LDLRAD3: variants seen among roughly 807,000 people sequenced by gnomAD.
The protein encoded by LDLRAD3 is low density lipoprotein receptor class A domain containing 3.
Under a neutral mutation model 29.4 loss-of-function variants are expected in LDLRAD3, and 20 were observed. The observed-to-expected ratio is 0.68, with a 90% CI of 0.48 to 0.99. The LOEUF (loss-of-function observed/expected upper bound fraction) is 0.99. Among genes scored for constraint, LDLRAD3 ranks in the 50% least tolerant of loss-of-function variants. The pLI, the probability that LDLRAD3 is intolerant of heterozygous loss-of-function variation, is 0.00. For synonymous variants in LDLRAD3, 157 were observed against 192.7 expected (o/e 0.81, Z 1.53); for missense variants, 420 against 454.3 (o/e 0.92, Z 0.69).
intron 1 of LDLRAD3, among the ~76,000 whole-genome samples, chr11:35,959,811 C>T (rs1298776998): frequency 6.6e-6 from 1 of 151,920 alleles, no homozygotes; most frequent in Non-Finnish European, 1.5e-5. Flanking sequence ...CACCTGTGGT[C>T]CCTGTAGCTA....
At chr11:36,089,072 C>G (rs1853238229) in intron 3 of LDLRAD3, among the ~76,000 whole-genome samples, 1 of 152,170 alleles carries the variant, frequency 6.6e-6, no homozygotes, top group South Asian at 2.1e-4. Flanking sequence ...TCAGGCTCAG[C>G]CTTAGCAAGC....
chr11:35,947,507 AAAAAAAG>A lies in LDLRAD3; in HGVS notation c.46+3373_46+3379del, dbSNP rs1321759008. ...AGCAAGACTGCCTCAATTAAAAAAA[AAAAAAAG>A]AAAAAAGAATTGGCCTTTACAACCT... On this transcript the variant is annotated intron_variant, in intron 1 of 5. Coordinates refer to ENST00000315571, the MANE Select transcript of LDLRAD3 (RefSeq NM_174902.4). Among the ~76,000 whole-genome samples, 9 of 152,182 alleles carry A rather than the reference AAAAAAAG, an allele frequency of 5.9e-5. No individual in the cohort carries two copies. In the East Asian group the frequency reaches 1.7e-3, roughly 29 times the overall value.
intron 1 of LDLRAD3, among the ~76,000 whole-genome samples, chr11:36,017,128 A>G (rs1171492567): frequency 6.6e-6 from 1 of 152,174 alleles, no homozygotes; most frequent in Non-Finnish European, 1.5e-5. Context: ...CCTTTGAAAG[A>G]TTTTTAGGAT....
chr11:35,975,598 G>A (rs1178281218), intron 1 of LDLRAD3, among the ~76,000 whole-genome samples: 4 of 152,172 alleles, frequency 2.6e-5, no homozygotes, highest in Admixed American at 6.5e-5. Flanking sequence ...CCTGTAGGGG[G>A]TAGAGAACTC....
rs1486761898 is a variant in LDLRAD3, at chr11:36,098,341, C to T, written c.334C>T (p.Leu112Phe). The T allele has an allele frequency of 1.2e-6, 2 of 1,613,974 alleles. No individual in the cohort carries two copies. The highest frequency in any genetic ancestry group is 2.2e-5 in the East Asian group (1 of 44,898). Residue 112 changes from leucine to phenylalanine, a missense_variant, in exon 4 of 6, where the codon CTT becomes TTT. Around this residue, in one of 3 missense-constraint regions of LDLRAD3, gnomAD observed 224 missense variants for 222.2 expected, o/e 1.01. Coordinates refer to ENST00000315571, the MANE Select transcript of LDLRAD3 (RefSeq NM_174902.4). The part of the protein sequence containing the change: ...DEENCTANPL[L>F]CSTARYHCKN... ...TCCCTCTGCAGCAGCAAACCCTCTG[C>T]TTTGCTCCACCGCCCGCTACCACTG...
intron 4 of LDLRAD3, among the ~76,000 whole-genome samples, chr11:36,186,697 A>G (rs1854854370): frequency 6.6e-6 from 1 of 152,206 alleles, no homozygotes; most frequent in Non-Finnish European, 1.5e-5. Context: ...CGGATGGGGT[A>G]TGAATCCCAT....
At chr11:35,988,015 C>T (rs1851636336) in intron 1 of LDLRAD3, among the ~76,000 whole-genome samples, 2 of 152,108 alleles carry the variant, frequency 1.3e-5, no homozygotes, top group African/African-American at 2.4e-5. Flanking sequence ...TCTCTAATGA[C>T]ATTTTTAAAA....
At chr11:36,136,833 G>A (rs1854011432) in intron 4 of LDLRAD3, among the ~76,000 whole-genome samples, 1 of 152,012 alleles carries the variant, frequency 6.6e-6, no homozygotes, top group Admixed American at 6.6e-5. Flanking sequence ...TGGGATTACA[G>A]GTGTGTGCCA....
At chr11:36,059,338 C>A (rs1322076565) in intron 2 of LDLRAD3, among the ~76,000 whole-genome samples, 1 of 141,696 alleles carries the variant, frequency 7.1e-6, no homozygotes, top group East Asian at 2.1e-4. Context: ...ACTTGAGCAA[C>A]AGAGTGAAAC....
intron 4 of LDLRAD3, among the ~76,000 whole-genome samples, chr11:36,121,757 A>C (rs185291366): frequency 1.3e-5 from 2 of 152,238 alleles, no homozygotes; most frequent in East Asian, 1.9e-4. Context: ...CAGTACATAA[A>C]CCCAAAAGGT....
intron 4 of LDLRAD3, among the ~76,000 whole-genome samples, chr11:36,148,839 G>A (rs548744126): frequency 6.6e-6 from 1 of 152,330 alleles, no homozygotes; most frequent in African/African-American, 2.4e-5. Context: ...CCTGGCTTGG[G>A]TAGGCAGAAA....
At chr11:35,989,612 C>G (rs1045381664) in intron 1 of LDLRAD3, among the ~76,000 whole-genome samples, 2 of 151,996 alleles carry the variant, frequency 1.3e-5, no homozygotes, top group African/African-American at 4.8e-5. Flanking sequence ...TATTCCTAAC[C>G]AAGGAATATA....
Position 36,229,618 on chromosome 11 carries a change from ACTC to A in LDLRAD3, c.*222_*224del. On this transcript the variant is annotated 3_prime_UTR_variant, in exon 6 of 6. Coordinates refer to ENST00000315571, the MANE Select transcript of LDLRAD3 (RefSeq NM_174902.4). ...TGTTGTGCGTCTTTTCTGTCAGGTC[ACTC>A]TTCCCTTGGGACCCGAGATCACACC... The A allele has an allele frequency of 2.0e-6, 1 of 501,782 alleles. No homozygotes were observed. The allele number at this position is 501,782 out of a possible 1,614,324, so 31.1% of individuals were successfully genotyped here.
In LDLRAD3 at chr11:36,082,187, T is replaced by G. The variant is rs561355505; in HGVS notation, c.319+409T>G. On this transcript the variant is annotated intron_variant, in intron 3 of 5. Coordinates refer to ENST00000315571, the MANE Select transcript of LDLRAD3 (RefSeq NM_174902.4). ...CAACACTTAATGTTTATGTGTTTGC[T>G]TACTTTTTTCTTACTTTGAATTCTT... Among the ~76,000 whole-genome samples the G allele has an allele frequency of 1.1e-4, 16 of 152,356 alleles. No individual in the cohort carries two copies. In the East Asian group the frequency reaches 3.1e-3, roughly 29 times the overall value.
rs746500832 is a variant in LDLRAD3 at position 36,036,181 on chromosome 11, G to A, written c.125G>A (p.Cys42Tyr). The A allele has an allele frequency of 2.5e-6, 4 of 1,614,182 alleles. No individual in the cohort carries two copies. Among genetic ancestry groups the A allele is most frequent in the East Asian group, 2.2e-5 (1 of 44,886 alleles). The change falls in exon 2 of 6, where the codon TGC (cysteine) becomes TAC (tyrosine). Residue 42 changes from cysteine to tyrosine, a missense_variant. Cys to Tyr is a radical substitution (Grantham distance 194). Coordinates refer to ENST00000315571, the MANE Select transcript of LDLRAD3 (RefSeq NM_174902.4). ...PGNFMCSNGR[C>Y]IPGAWQCDGL... ...AACTTCATGTGCAGCAATGGACGGTGCATCCCGGGCGCCTGGCAGTGTGAC... is the reference window on the plus strand; with the variant it reads ...AACTTCATGTGCAGCAATGGACGGTACATCCCGGGCGCCTGGCAGTGTGAC...
chr11:36,157,667 T>C (rs1854374129), intron 4 of LDLRAD3, among the ~76,000 whole-genome samples: 1 of 152,086 alleles, frequency 6.6e-6, no homozygotes, highest in Non-Finnish European at 1.5e-5. Context: ...AAAATTCTAG[T>C]GGAGTAGGAG....
chr11:36,126,655 G>A (rs12800155), intron 4 of LDLRAD3, among the ~76,000 whole-genome samples: 60,437 of 152,012 alleles, frequency 0.4, 12,501 homozygotes, highest in East Asian at 0.72. Context: ...GCTCATTCAC[G>A]TATGCAATAA....
At chr11:36,037,357 C>T (rs1052758764) in intron 2 of LDLRAD3, among the ~76,000 whole-genome samples, 2 of 152,096 alleles carry the variant, frequency 1.3e-5, no homozygotes, top group South Asian at 2.1e-4. Flanking sequence ...CTCTGTCACC[C>T]GGGGCTGGAG....
intron 1 of LDLRAD3, among the ~76,000 whole-genome samples, chr11:35,969,383 C>T (rs911852587): frequency 6.6e-6 from 1 of 152,222 alleles, no homozygotes; most frequent in African/African-American, 2.4e-5. Flanking sequence ...CACTTAACTT[C>T]CTAATTTTCA....
Sources: gnomAD v4.1 joint callset for allele counts (sites outside exome capture counted in the v4.1 genomes callset) on GRCh38, gnomAD v4.1.1 for gene constraint, gnomAD v4.1.1 regional missense constraint, MANE v1.5 for transcripts, NCBI Gene and HGNC (gene_info 2026-07-23, HGNC 2026-07-21) for gene names.